Variants in NMT2 observed in about 807,000 individuals in gnomAD.
NMT2 encodes the protein N-myristoyltransferase 2.
NMT2 carries 35 observed loss-of-function variants against 65.4 expected under a neutral mutation model. The ratio of observed to expected loss-of-function variants is 0.54; its 90% confidence interval spans 0.41 to 0.71. The LOEUF (loss-of-function observed/expected upper bound fraction) is 0.71, where lower values mean the gene tolerates loss of function less well. NMT2 is among the 30% of genes least tolerant of loss of function. The pLI is 0.00. For synonymous variants in NMT2, 226 were observed against 231.8 expected, an observed-to-expected ratio of 0.98 and a Z score of 0.23; for missense variants, 489 against 611.3, an observed-to-expected ratio of 0.80 and a Z score of 2.11.
chr10:15,157,994 A>G (rs903196060), intron 1 of NMT2, among the ~76,000 whole-genome samples: 2 of 152,110 alleles, frequency 1.3e-5, no homozygotes, highest in African/African-American at 2.4e-5. Context: ...CAATCTCTTC[A>G]TTTGTTATTG....
intron 1 of NMT2, among the ~76,000 whole-genome samples, chr10:15,163,926 T>C (rs1833285623): frequency 6.6e-6 from 1 of 152,156 alleles, no homozygotes; most frequent in Admixed American, 6.5e-5. Context: ...ACGCCTGTAA[T>C]CCCAGCACTT....
intron 1 of NMT2, among the ~76,000 whole-genome samples, chr10:15,151,246 G>A (rs1202644050): frequency 2.6e-5 from 4 of 152,010 alleles, no homozygotes; most frequent in Non-Finnish European, 5.9e-5. Context: ...TAGTAGAGAC[G>A]GGGTTTCTCC....
At chr10:15,141,357 A>G (rs1264915976) in intron 2 of NMT2, 65 bp downstream of exon 2, 68 of 1,591,990 alleles carry the variant, frequency 4.3e-5, no homozygotes, top group Admixed American at 5.2e-5. Context: ...GCAGCGCGCT[A>G]AACTGCGTAA....
chr10:15,163,826 C>T (rs12354702), intron 1 of NMT2, among the ~76,000 whole-genome samples: 6,885 of 152,240 alleles, frequency 0.045, 170 homozygotes, highest in African/African-American at 0.06. Flanking sequence ...TAAAAGAATT[C>T]CAAAGTTTTC....
chr10:15,157,372 T>C (rs1833038485), intron 1 of NMT2, among the ~76,000 whole-genome samples: 1 of 152,204 alleles, frequency 6.6e-6, no homozygotes, highest in Admixed American at 6.5e-5. Flanking sequence ...AGACTGGGCA[T>C]AGGCTGCAGC....
At chr10:15,139,794 A>C (rs1014158758) in intron 2 of NMT2, 1 of 147,672 alleles carries the variant, frequency 6.8e-6, no homozygotes, top group Non-Finnish European at 1.5e-5. Context: ...GTCTCACTTC[A>C]TGGAACACAA....
At chr10:15,157,850 T>G (rs1243705683) in intron 1 of NMT2, among the ~76,000 whole-genome samples, 2 of 152,240 alleles carry the variant, frequency 1.3e-5, no homozygotes, top group African/African-American at 4.8e-5. Flanking sequence ...CTTGAGACAT[T>G]ATCAAATTAC....
At chr10:15,134,627 C>T (rs552353622) in intron 3 of NMT2, among the ~76,000 whole-genome samples, 1 of 152,244 alleles carries the variant, frequency 6.6e-6, no homozygotes, top group East Asian at 1.9e-4. Context: ...CAACAGACAC[C>T]TGCTCCATGA....
intron 9 of NMT2, among the ~76,000 whole-genome samples, chr10:15,115,431 C>A (rs1004835289): frequency 6.6e-6 from 1 of 152,104 alleles, no homozygotes; most frequent in Non-Finnish European, 1.5e-5. Flanking sequence ...CTCACATCAA[C>A]CATCATAAAA....
intron 7 of NMT2, among the ~76,000 whole-genome samples, chr10:15,128,992 A>G (rs988751174): frequency 2.0e-5 from 3 of 152,210 alleles, no homozygotes; most frequent in Admixed American, 2.0e-4. Flanking sequence ...TGGGCAACAG[A>G]GCAAGACCGT....
chr10:15,112,179 TATA>T (rs1480082279), intron 10 of NMT2, among the ~76,000 whole-genome samples: 1 of 8,494 alleles, frequency 1.2e-4, no homozygotes, highest in African/African-American at 5.8e-4. Flanking sequence ...GGGCTTTATA[TATA>T]TATATATATA....
chr10:15,141,282 A>G (rs1406645801), intron 2 of NMT2, 140 bp downstream of exon 2: 1 of 1,144,710 alleles, frequency 8.7e-7, no homozygotes, highest in African/African-American at 1.5e-5. Flanking sequence ...GAGGCTGTCA[A>G]GAGCTTCCAG....
At chr10:15,167,501 C>G (rs1310079849) in intron 1 of NMT2, among the ~76,000 whole-genome samples, 1 of 152,212 alleles carries the variant, frequency 6.6e-6, no homozygotes, top group Non-Finnish European at 1.5e-5. Flanking sequence ...TTCTCCATCA[C>G]TCACCATGGT....
At chr10:15,165,114 G>A (rs1012016377) in intron 1 of NMT2, among the ~76,000 whole-genome samples, 10 of 150,294 alleles carry the variant, frequency 6.7e-5, no homozygotes, top group African/African-American at 9.8e-5. Flanking sequence ...AGTGCGCCAA[G>A]ATCGTACTAT....
intron 1 of NMT2, among the ~76,000 whole-genome samples, chr10:15,153,029 T>A (rs1399007890): frequency 6.6e-6 from 1 of 152,010 alleles, no homozygotes; most frequent in Non-Finnish European, 1.5e-5. Flanking sequence ...CAGCCCCCCT[T>A]TTTTTTATGG....
rs980649644 is a variant in NMT2 at position 15,106,101 on chromosome 10, C to T, written c.*3094G>A. On this transcript the variant is annotated 3_prime_UTR_variant, in exon 12 of 12. Transcript: ENST00000378165. The stretch of plus-strand genomic sequence containing the variant: ...CCCCGCCTCCTGGGTTCAAGCGATT[C>T]TCCTGCCTCAGCCTCCTGAATAGCT... 9 of 311,464 alleles carry T rather than the reference C, an allele frequency of 2.9e-5. No individual in the cohort carries two copies. The highest frequency in any genetic ancestry group is 4.6e-5 in the African/African-American group (2 of 43,098). The allele number at this position is 311,464 out of a possible 1,614,324, so 19.3% of individuals were successfully genotyped here. A position where few individuals can be genotyped will look rare whatever the true frequency, so the allele number is the denominator to read the frequency against.
intron 1 of NMT2, among the ~76,000 whole-genome samples, chr10:15,149,057 C>T (rs1847055561): frequency 6.6e-6 from 1 of 151,992 alleles, no homozygotes; most frequent in Admixed American, 6.6e-5. Flanking sequence ...GCCACCACCA[C>T]CGCCACCACC....
In NMT2 at chr10:15,109,683, C is replaced by A; in HGVS notation, c.1476+19G>T. 2 of 1,595,032 alleles carry A rather than the reference C, an allele frequency of 1.3e-6. No homozygotes were observed. The highest frequency in any genetic ancestry group is 1.7e-6 in the Non-Finnish European group (2 of 1,171,756). ...GGTACATTTGTTGAGTTTACAAGGGCTATATCCATTTCACTTACCTTTTCA... is the reference window on the plus strand; with the variant it reads ...GGTACATTTGTTGAGTTTACAAGGGATATATCCATTTCACTTACCTTTTCA... On this transcript the variant is annotated intron_variant, in intron 11 of 11. Transcript: ENST00000378165.
intron 8 of NMT2, among the ~76,000 whole-genome samples, chr10:15,125,781 C>A (rs1846054402): frequency 6.6e-6 from 1 of 152,104 alleles, no homozygotes; most frequent in Admixed American, 6.5e-5. Flanking sequence ...ATTCTCCTGC[C>A]TCAGCCTCCC....
Sources: gnomAD v4.1 joint callset for allele counts (sites outside exome capture counted in the v4.1 genomes callset) on GRCh38, gnomAD v4.1.1 for gene constraint, MANE v1.5 for transcripts, NCBI Gene and HGNC (gene_info 2026-07-23, HGNC 2026-07-21) for gene names.